The following ORC4 variants were observed in gnomAD, a reference collection of about 807,000 sequenced individuals.
ORC4 encodes origin recognition complex subunit 4.
Under a neutral mutation model 63.9 loss-of-function variants are expected in ORC4, and 55 were observed. That is an observed-to-expected ratio of 0.86 (90% CI 0.69 to 1.08). The LOEUF is 1.08. Among genes scored for constraint, ORC4 ranks in the 50% least tolerant of loss-of-function variants. ORC4 has a pLI of 0.00. For synonymous variants in ORC4, 150 were observed against 168.5 expected (o/e 0.89, Z 0.85); for missense variants, 511 against 504.4 (o/e 1.01, Z -0.13).
chr2:148,015,976 T>C (rs118047652), intron 1 of ORC4, among the ~76,000 whole-genome samples: 276 of 152,234 alleles, frequency 1.8e-3, no homozygotes, highest in East Asian at 0.016. Context: ...TTGAAGCAGA[T>C]TGATCCTCTT....
chr2:147,960,214 T>G (rs1689510612), intron 4 of ORC4: 1 of 975,814 alleles, frequency 1.0e-6, no homozygotes, highest in African/African-American at 1.8e-5. Flanking sequence ...TTGTAACAGA[T>G]TTATAGCTTT....
intron 3 of ORC4, among the ~76,000 whole-genome samples, chr2:147,973,122 A>G (rs905677440): frequency 2.0e-5 from 3 of 152,198 alleles, no homozygotes; most frequent in African/African-American, 7.2e-5. Context: ...CCTTGGATTC[A>G]AATCTCTTTT....
intron 4 of ORC4, among the ~76,000 whole-genome samples, chr2:147,971,400 T>C (rs1045980328): frequency 2.6e-4 from 39 of 151,338 alleles, no homozygotes; most frequent in Admixed American, 8.5e-4. Flanking sequence ...ATCAGAAATA[T>C]AAAGGACTCC....
intron 1 of ORC4, among the ~76,000 whole-genome samples, chr2:147,998,244 G>T (rs1279034237): frequency 6.6e-6 from 1 of 151,938 alleles, no homozygotes; most frequent in Admixed American, 6.5e-5. Context: ...CTTAATTCTT[G>T]AAAAAGTCTG....
intron 1 of ORC4, among the ~76,000 whole-genome samples, chr2:148,011,337 G>A (rs1692955152): frequency 6.6e-6 from 1 of 152,194 alleles, no homozygotes; most frequent in African/African-American, 2.4e-5. Flanking sequence ...ATCAATCAGT[G>A]TGATACATGG....
intron 1 of ORC4, among the ~76,000 whole-genome samples, chr2:148,008,718 G>A (rs997939096): frequency 2.0e-5 from 3 of 152,048 alleles, no homozygotes; most frequent in Admixed American, 6.6e-5. Flanking sequence ...AGTTTAGCCC[G>A]TGCGGTCTAA....
chr2:148,016,680 C>T (rs1693313619), intron 1 of ORC4, among the ~76,000 whole-genome samples: 1 of 152,174 alleles, frequency 6.6e-6, no homozygotes, highest in Non-Finnish European at 1.5e-5. Context: ...AATCCTGAAG[C>T]ATGGATTTTT....
At chr2:148,020,120 C>T (rs1693606277) in intron 1 of ORC4, among the ~76,000 whole-genome samples, 2 of 152,156 alleles carry the variant, frequency 1.3e-5, no homozygotes, top group African/African-American at 4.8e-5. Context: ...AGGGAAGCTC[C>T]ACTCAAGACT....
intron 1 of ORC4, among the ~76,000 whole-genome samples, chr2:147,988,792 C>CA (rs5835178): frequency 0.33 from 47,264 of 142,964 alleles, 7,510 homozygotes; most frequent in East Asian, 0.47. Context: ...AAACAAAAAG[C>CA]AAAAAAAAAA....
At chr2:147,977,753 GA>G (rs1690650686) in intron 1 of ORC4, among the ~76,000 whole-genome samples, 1 of 152,192 alleles carries the variant, frequency 6.6e-6, no homozygotes, top group Non-Finnish European at 1.5e-5. Context: ...TACAGTGGAT[GA>G]AGATATGCAG....
chr2:147,935,662 G>A lies in ORC4; in HGVS notation c.1159C>T (p.Pro387Ser). Reference sequence around the variant, plus strand: ...GAATTTCCTGAAGTTCTTTCCATGGGCTTTATTAATTCTAATTGCTGCAAG... The same window carrying A: ...GAATTTCCTGAAGTTCTTTCCATGGACTTTATTAATTCTAATTGCTGCAAG... ...EHLQQLELIK[P>S]MERTSGNSQR... is the part of the protein sequence containing the mutation. Residue 387 changes from proline to serine, a missense_variant, in exon 14 of 14, where the codon CCC becomes TCC. Coordinates refer to ENST00000392857, the MANE Select transcript of ORC4 (RefSeq NM_181741.4). The A allele has an allele frequency of 1.2e-6, 2 of 1,613,146 alleles. No individual in the cohort carries two copies. Among genetic ancestry groups the A allele is most frequent in the Non-Finnish European group, 1.7e-6 (2 of 1,179,764 alleles).
At chr2:147,958,194 A>G in intron 6 of ORC4, 104 bp downstream of exon 6, 5 of 702,184 alleles carry the variant, frequency 7.1e-6, no homozygotes, top group Non-Finnish European at 1.2e-5. Context: ...TTCAATTAAG[A>G]ATTTCTGAAC....
chr2:147,957,746 C>T (rs940093490), intron 6 of ORC4, among the ~76,000 whole-genome samples: 8 of 152,074 alleles, frequency 5.3e-5, no homozygotes, highest in Non-Finnish European at 1.0e-4. Flanking sequence ...TGTTTTCTTT[C>T]TTCTTCAAAA....
intron 13 of ORC4, 27 bp downstream of exon 13, chr2:147,938,119 G>C: frequency 6.6e-7 from 1 of 1,503,874 alleles, no homozygotes; most frequent in South Asian, 1.1e-5. Flanking sequence ...CTTGTCTGTA[G>C]AAAAATGACA....
intron 1 of ORC4, among the ~76,000 whole-genome samples, chr2:147,998,891 G>T (rs986235858): frequency 2.6e-5 from 4 of 152,142 alleles, no homozygotes; most frequent in Non-Finnish European, 4.4e-5. Flanking sequence ...TAAGATCAGT[G>T]CTTTGAGCAA....
chr2:148,009,432 C>G (rs1009824064), intron 1 of ORC4, among the ~76,000 whole-genome samples: 7 of 152,050 alleles, frequency 4.6e-5, no homozygotes, highest in African/African-American at 1.7e-4. Flanking sequence ...AGCTTTGTAT[C>G]TATTTTTAGA....
intron 4 of ORC4, among the ~76,000 whole-genome samples, chr2:147,967,123 G>A (rs1425427907): frequency 1.3e-5 from 2 of 151,732 alleles, no homozygotes; most frequent in Non-Finnish European, 2.9e-5. Flanking sequence ...AAAAACACGT[G>A]ATAAAATTCA....
intron 4 of ORC4, among the ~76,000 whole-genome samples, chr2:147,963,897 C>A (rs533319802): frequency 5.1e-4 from 77 of 152,248 alleles, no homozygotes; most frequent in Admixed American, 3.8e-3. Context: ...CTGTATCCAA[C>A]TAGAACCAAG....
In ORC4 at chr2:148,010,325, G is replaced by T. The variant is rs1311181736; in HGVS notation, c.-18+10308C>A. 2.7e-5 allele frequency among the ~76,000 whole-genome samples: 4 copies of T among 150,010 alleles called. No individual in the cohort carries two copies. The East Asian group carries it at 7.8e-4, about 29-fold the overall frequency. ...CATGCCAAGCCCCAAATTAAGAAGAGAAATAATAAAGAAAACAAGAAAATA... is the reference window on the plus strand; with the variant it reads ...CATGCCAAGCCCCAAATTAAGAAGATAAATAATAAAGAAAACAAGAAAATA... On this transcript the variant is annotated intron_variant, in intron 1 of 13. Transcript: ENST00000392857.
Sources: gnomAD v4.1 joint callset for allele counts (sites outside exome capture counted in the v4.1 genomes callset) on GRCh38, gnomAD v4.1.1 for gene constraint, MANE v1.5 for transcripts, NCBI Gene and HGNC (gene_info 2026-07-23, HGNC 2026-07-21) for gene names.